The following AHCY variants were observed in gnomAD, a reference collection of about 807,000 sequenced individuals.
AHCY encodes S-adenosyl-L-homocysteine hydrolase.
AHCY carries 24 observed loss-of-function variants against 45.4 expected under a neutral mutation model. The observed-to-expected ratio is 0.53, with a 90% confidence interval of 0.38 to 0.74. The LOEUF (loss-of-function observed/expected upper bound fraction) is 0.74. Ranked by LOEUF, AHCY falls within the 30% of genes least tolerant of loss-of-function variation. AHCY has a pLI of 0.00. For synonymous variants in AHCY, 245 were observed against 235.1 expected (o/e 1.04, Z -0.39); for missense variants, 449 against 594.1 (o/e 0.76, Z 2.54).
chr20:34,269,958 A>T, the AHCY span, among the ~76,000 whole-genome samples: 4 of 69,974 alleles, frequency 5.7e-5, no homozygotes, highest in African/African-American at 1.7e-4. Flanking sequence ...AAAAAAAAAA[A>T]AAAAAAAAAA....
the AHCY span, chr20:34,241,410 T>C: frequency 3.1e-5 from 30 of 975,342 alleles, no homozygotes; most frequent in African/African-American, 4.7e-4. Flanking sequence ...TTTGAAGTTA[T>C]AGATGAGCAA....
chr20:34,302,772 C>A (rs998476662), intron 1 of AHCY: 9 of 993,850 alleles, frequency 9.1e-6, no homozygotes, highest in Non-Finnish European at 7.2e-6. Context: ...GCCTGGGGCT[C>A]GCTTTCCAGG....
the AHCY span, chr20:34,260,514 T>G: frequency 6.2e-7 from 1 of 1,613,232 alleles, no homozygotes; most frequent in African/African-American, 1.3e-5. Context: ...CTACTGGATG[T>G]CCCTTCTGTC....
At chr20:34,310,094 C>T (rs572380901) in intron 1 of AHCY, among the ~76,000 whole-genome samples, 154 of 152,126 alleles carry the variant, frequency 1.0e-3, no homozygotes, top group Non-Finnish European at 1.9e-3. Context: ...CACACTGTTA[C>T]CCGGGCTGGA....
At chr20:34,307,045 G>C (rs2036902840), upstream of AHCY, among the ~76,000 whole-genome samples, 1 of 152,124 alleles carries the variant, frequency 6.6e-6, no homozygotes, top group Admixed American at 6.5e-5. Flanking sequence ...GGTTTTGCAA[G>C]ATGTCACCAT....
chr20:34,263,255 T>C, the AHCY span, among the ~76,000 whole-genome samples: 1 of 152,234 alleles, frequency 6.6e-6, no homozygotes, highest in Non-Finnish European at 1.5e-5. Flanking sequence ...CCTATTTATT[T>C]AACATATTTG....
At chr20:34,249,159 T>C in the AHCY span, among the ~76,000 whole-genome samples, 3 of 152,108 alleles carry the variant, frequency 2.0e-5, no homozygotes, top group Non-Finnish European at 4.4e-5. Context: ...TGCAAATTTT[T>C]TCTCATACAG....
At chr20:34,294,254 A>G in intron 2 of AHCY, 98 bp from the exon 3 acceptor site, 2 of 1,100,740 alleles carry the variant, frequency 1.8e-6, no homozygotes, top group Non-Finnish European at 2.7e-6. Context: ...TAGTGGGGAG[A>G]GGCTTGGGAT....
the AHCY span, among the ~76,000 whole-genome samples, chr20:34,269,504 G>A: frequency 6.6e-6 from 1 of 152,084 alleles, no homozygotes; most frequent in Admixed American, 6.6e-5. Flanking sequence ...TAGGAACGAG[G>A]CTATCCCCTG....
rs1268142011 is a variant in AHCY at position 34,290,822 on chromosome 20, G to A, written c.675C>T (p.Gly225=). ...CCCGCAGGGCCTGGGCACAGCCCTT[G>A]CCCACATCACCATAGCCTGCTACCA... ...VAVVAGYGDV[G]KGCAQALRGF... Residue 225 remains glycine, a synonymous_variant, in exon 6 of 10, where the codon GGC becomes GGT. Coordinates refer to ENST00000217426, the MANE Select transcript of AHCY (RefSeq NM_000687.4). The surrounding 1 kb of genome is among the most constrained non-coding windows in gnomAD (Gnocchi z 4.5). The A allele has an allele frequency of 3.1e-6, 5 of 1,613,998 alleles. No individual in the cohort carries two copies. Among genetic ancestry groups the A allele is most frequent in the African/African-American group, 1.3e-5 (1 of 74,882 alleles).
chr20:34,249,748 G>A, the AHCY span, among the ~76,000 whole-genome samples: 5 of 152,150 alleles, frequency 3.3e-5, no homozygotes, highest in Admixed American at 1.3e-4. Context: ...GCCATTTAAA[G>A]GTAGGGCATC....
chr20:34,291,194 G>C (rs2036376700), intron 5 of AHCY, among the ~76,000 whole-genome samples: 1 of 152,214 alleles, frequency 6.6e-6, no homozygotes, highest in African/African-American at 2.4e-5. Flanking sequence ...CCCGGTCAAA[G>C]ACCTTGCTTA....
upstream of AHCY, among the ~76,000 whole-genome samples, chr20:34,305,159 C>CAAAAA (rs528737503): frequency 0.098 from 10,657 of 109,124 alleles, 1,474 homozygotes; most frequent in African/African-American, 0.33. Context: ...ACTAAAAATA[C>CAAAAA]AAAAAAAAAA....
rs1417009003 is a variant in AHCY, at chr20:34,292,376, A to G, written c.427T>C (p.Tyr143His). Reference sequence around the variant, plus strand: ...TGCTCACCTGGCAGAAGCTGCGGGTACTTGGTGTGGATGAGGTTGGTGAGG... The same window carrying G: ...TGCTCACCTGGCAGAAGCTGCGGGTGCTTGGTGTGGATGAGGTTGGTGAGG... ...GDLTNLIHTK[Y>H]PQLLPGIRGI... The change falls in exon 4 of 10, where the codon TAC becomes CAC. Residue 143 changes from tyrosine to histidine, a missense_variant. Tyr to His is a moderately conservative substitution (Grantham distance 83). Transcript: ENST00000217426. 6.2e-7 allele frequency: 1 copy of G among 1,613,424 alleles called. No homozygotes were observed. The highest frequency in any genetic ancestry group is 8.5e-7 in the Non-Finnish European group (1 of 1,180,010).
Position 34,285,503 on chromosome 20 carries a change from C to T in AHCY, c.1104G>A (p.Ala368=), listed in dbSNP as rs777626341. 1.2e-5 allele frequency: 20 copies of T among 1,614,126 alleles called. No homozygotes were observed. The highest frequency in any genetic ancestry group is 5.0e-5 in the Admixed American group (3 of 60,022). The part of the protein sequence containing the change: ...MSNSFTNQVM[A]QIELWTHPDK... ...CTGGATGGGTCCACAGCTCGATCTG[C>T]GCCATCACCTGGTTGGTGAAGGAGT... Residue 368 remains alanine (A), a synonymous_variant, in exon 9 of 10, where the codon GCG becomes GCA. Transcript: ENST00000217426.
chr20:34,274,581 G>A, the AHCY span, among the ~76,000 whole-genome samples: 3 of 152,174 alleles, frequency 2.0e-5, no homozygotes, highest in Non-Finnish European at 2.9e-5. Context: ...GAGAGAAGCA[G>A]CTGCATCTTC....
At chr20:34,243,743 T>C in the AHCY span, among the ~76,000 whole-genome samples, 3 of 149,938 alleles carry the variant, frequency 2.0e-5, no homozygotes, top group African/African-American at 7.5e-5. Flanking sequence ...CTTTACATTT[T>C]TCTAATATTG....
the AHCY span, chr20:34,268,916 G>A: frequency 1.3e-6 from 2 of 1,531,306 alleles, no homozygotes; most frequent in South Asian, 2.4e-5. Context: ...CCTAGCCCGA[G>A]GAGCTCCCAG....
At chr20:34,235,866 A>AAGGAAGGAAGG in the AHCY span, among the ~76,000 whole-genome samples, 1 of 36,864 alleles carries the variant, frequency 2.7e-5, no homozygotes, top group Non-Finnish European at 4.2e-5. Flanking sequence ...GGAAGGAAGG[A>AAGGAAGGAAGG]AAGGAAGGAA....
Sources: allele counts gnomAD v4.1 joint callset (sites outside exome capture counted in the v4.1 genomes callset), GRCh38; gene constraint gnomAD v4.1.1; non-coding constraint Gnocchi (gnomAD v3.1); transcripts MANE v1.5; gene names NCBI Gene and HGNC (gene_info 2026-07-23, HGNC 2026-07-21).